Variants in TENM2 observed in about 807,000 individuals in gnomAD.
TENM2 encodes the protein teneurin transmembrane protein 2, also known as teneurin-2.
A neutral mutation model predicts 245.2 loss-of-function variants in TENM2; 52 were observed. The observed-to-expected ratio is 0.21, with a 90% confidence interval of 0.17 to 0.27. TENM2 has a LOEUF of 0.27. Among genes scored for constraint, TENM2 ranks in the 10% least tolerant of loss-of-function variants. TENM2 has a pLI of 1.00. For missense variants in TENM2, 3,046 were observed against 3,666.8 expected (o/e 0.83, Z 4.37); for synonymous variants, 1,363 against 1,438.9 (o/e 0.95, Z 1.19).
chr5:167,652,842 A>C lies in TENM2; in HGVS notation c.503-223144A>C, dbSNP rs114984712. ...TCTAACTTCTCCCTCTTTCGCTTTT[A>C]TTACAGGTTAAAAAGCTACAAGATT... On this transcript the variant is annotated intron_variant, in intron 2 of 28. Transcript: ENST00000518659. Among the ~76,000 whole-genome samples, 1,206 of 152,246 alleles carry C rather than the reference A, an allele frequency of 7.9e-3. 12 individuals carry two copies. Among genetic ancestry groups the C allele is most frequent in the Non-Finnish European group, 0.013 (859 of 68,018 alleles).
At chr5:168,260,501 C>T (rs769562172) in intron 28 of TENM2, 88 bp downstream of exon 30, 42 of 1,488,418 alleles carry the variant, frequency 2.8e-5, no homozygotes, top group East Asian at 9.1e-5. Context: ...GGCATGTCAG[C>T]GCAGGAAAAC....
chr5:167,063,774 C>T, the TENM2 span, among the ~76,000 whole-genome samples: 1 of 152,170 alleles, frequency 6.6e-6, no homozygotes, highest in Admixed American at 6.5e-5. Context: ...ACCATCTGAA[C>T]CAGCTCCCAT....
At chr5:167,735,358 T>C (rs560038361) in intron 2 of TENM2, among the ~76,000 whole-genome samples, 1 of 152,366 alleles carries the variant, frequency 6.6e-6, no homozygotes, top group African/African-American at 2.4e-5. Context: ...GTCAAGTTGC[T>C]TCTTTGTGAA....
intron 27 of TENM2, among the ~76,000 whole-genome samples, chr5:168,252,052 T>A (rs73801862): frequency 0.033 from 4,959 of 152,294 alleles, 292 homozygotes; most frequent in African/African-American, 0.11. Flanking sequence ...TTGACATACC[T>A]GTGATGAAAA....
chr5:167,170,175 C>T, the TENM2 span, among the ~76,000 whole-genome samples: 29 of 152,288 alleles, frequency 1.9e-4, no homozygotes, highest in African/African-American at 4.6e-4. Context: ...ATAAGCATAC[C>T]GTAGAATTCC....
At chr5:167,282,776 T>C (rs1771131415), upstream of TENM2, among the ~76,000 whole-genome samples, 1 of 152,110 alleles carries the variant, frequency 6.6e-6, no homozygotes, top group Non-Finnish European at 1.5e-5. Context: ...TGAAACTGCA[T>C]GTTAGAAGTT....
intron 2 of TENM2, among the ~76,000 whole-genome samples, chr5:167,431,327 C>T (rs982970766): frequency 6.6e-6 from 1 of 151,950 alleles, no homozygotes; most frequent in Non-Finnish European, 1.5e-5. Flanking sequence ...AGGTTAGTTC[C>T]CCCATATTTA....
chr5:167,731,165 C>A (rs899506436), intron 2 of TENM2, among the ~76,000 whole-genome samples: 13 of 151,108 alleles, frequency 8.6e-5, no homozygotes, highest in Non-Finnish European at 1.9e-4. Flanking sequence ...AAACCCCATG[C>A]CAGTTGACTA....
intron 3 of TENM2, among the ~76,000 whole-genome samples, chr5:167,950,802 A>G (rs1213968710): frequency 1.3e-5 from 2 of 152,236 alleles, no homozygotes; most frequent in Non-Finnish European, 2.9e-5. Context: ...GCCAGAAAAT[A>G]TAATAGCCTG....
intron 23 of TENM2, among the ~76,000 whole-genome samples, chr5:168,222,484 A>G (rs1763753529): frequency 6.6e-6 from 1 of 152,258 alleles, no homozygotes; most frequent in South Asian, 2.1e-4. Flanking sequence ...GTGGGGTTCA[A>G]GAGTGATTTT....
At chr5:167,600,950 C>G (rs1456360614) in intron 2 of TENM2, among the ~76,000 whole-genome samples, 1 of 152,138 alleles carries the variant, frequency 6.6e-6, no homozygotes, top group African/African-American at 2.4e-5. Flanking sequence ...TATTTGGCAT[C>G]GCCATTTGAC....
At chr5:167,488,381 T>C (rs534652707) in intron 2 of TENM2, among the ~76,000 whole-genome samples, 1 of 152,262 alleles carries the variant, frequency 6.6e-6, no homozygotes, top group East Asian at 1.9e-4. Flanking sequence ...AAAGACTTTA[T>C]CAAGGTTATT....
At chr5:167,449,685 C>T (rs11134460) in intron 2 of TENM2, among the ~76,000 whole-genome samples, 39,925 of 151,144 alleles carry the variant, frequency 0.26, 5,332 homozygotes, top group East Asian at 0.33. Context: ...GGGCCAGGTG[C>T]AGTGGCTCAT....
At chr5:168,084,884 A>C (rs1792312015) in intron 7 of TENM2, among the ~76,000 whole-genome samples, 1 of 152,156 alleles carries the variant, frequency 6.6e-6, no homozygotes. Flanking sequence ...TGACCCTAGC[A>C]CTGCTAAGTT....
the TENM2 span, among the ~76,000 whole-genome samples, chr5:167,155,381 T>C: frequency 6.6e-6 from 1 of 152,230 alleles, no homozygotes; most frequent in East Asian, 1.9e-4. Context: ...ATTAAACCTA[T>C]GTCAGGCTCC....
chr5:168,192,595 T>C (rs1761055533), intron 14 of TENM2, among the ~76,000 whole-genome samples: 1 of 152,200 alleles, frequency 6.6e-6, no homozygotes, highest in Admixed American at 6.5e-5. Context: ...CTTTAACATA[T>C]ACTATACACA....
chr5:167,079,696 T>G, the TENM2 span, among the ~76,000 whole-genome samples: 1 of 152,192 alleles, frequency 6.6e-6, no homozygotes, highest in East Asian at 1.9e-4. Context: ...TGCCTTAACA[T>G]AATTTTTGAA....
chr5:167,273,644 C>T, the TENM2 span, among the ~76,000 whole-genome samples: 7 of 151,994 alleles, frequency 4.6e-5, no homozygotes, highest in East Asian at 1.4e-3. Context: ...TTTTTGTGAT[C>T]CTTTCTAGGA....
At chr5:167,478,366 G>A (rs1174088731) in intron 2 of TENM2, among the ~76,000 whole-genome samples, 3 of 152,136 alleles carry the variant, frequency 2.0e-5, no homozygotes, top group Non-Finnish European at 4.4e-5. Context: ...AGAAAACTCT[G>A]CCAGGAAACT....
Sources: gnomAD v4.1 joint callset for allele counts (sites outside exome capture counted in the v4.1 genomes callset) on GRCh38, gnomAD v4.1.1 for gene constraint, MANE v1.5 for transcripts, NCBI Gene and HGNC (gene_info 2026-07-23, HGNC 2026-07-21) for gene names.